The following SLC24A3 variants were observed in gnomAD, a reference collection of about 807,000 sequenced individuals.
The protein encoded by SLC24A3 is sodium/potassium/calcium exchanger 3.
A neutral mutation model predicts 75.8 loss-of-function variants in SLC24A3; 28 were observed. The ratio of observed to expected loss-of-function variants is 0.37; its 90% CI spans 0.27 to 0.51. The LOEUF is 0.51. Ranked by LOEUF, SLC24A3 falls within the 20% of genes least tolerant of loss-of-function variation. The pLI is 0.94. For missense variants in SLC24A3, 663 were observed against 847.8 expected (o/e 0.78, Z 2.71); for synonymous variants, 372 against 334.1 (o/e 1.11, Z -1.24).
At chr20:19,649,718 C>T (rs1308315650) in intron 6 of SLC24A3, among the ~76,000 whole-genome samples, 3 of 152,082 alleles carry the variant, frequency 2.0e-5, no homozygotes, top group African/African-American at 2.4e-5. Context: ...GGGAGGCAGT[C>T]GCAAGTGGGT....
chr20:19,346,284 A>G (rs188385510), intron 2 of SLC24A3, among the ~76,000 whole-genome samples: 4 of 113,248 alleles, frequency 3.5e-5, no homozygotes, highest in African/African-American at 1.2e-4. Flanking sequence ...GTATATATAT[A>G]TGGTATATAT....
At chr20:19,540,276 T>A (rs368495395) in intron 3 of SLC24A3, among the ~76,000 whole-genome samples, 24 of 152,254 alleles carry the variant, frequency 1.6e-4, no homozygotes, top group African/African-American at 5.8e-4. Flanking sequence ...CAGCATCTCC[T>A]TGACTCCAGA....
intron 2 of SLC24A3, among the ~76,000 whole-genome samples, chr20:19,349,555 A>T (rs982231987): frequency 1.3e-5 from 2 of 152,150 alleles, no homozygotes; most frequent in East Asian, 1.9e-4. Flanking sequence ...AAAGTCCTTG[A>T]CCAAGAACTG....
chr20:19,213,054 C>T (rs1241830131), intron 1 of SLC24A3, 70 bp downstream of exon 1: 8 of 1,145,000 alleles, frequency 7.0e-6, no homozygotes, highest in Non-Finnish European at 8.6e-6. Flanking sequence ...GGGCTGGGCG[C>T]GGGGCTCCTT....
chr20:19,264,188 T>A (rs1282015028), intron 1 of SLC24A3: 4 of 151,590 alleles, frequency 2.6e-5, no homozygotes, highest in African/African-American at 9.7e-5. Context: ...TATCCACTTC[T>A]ATGGCTCTGG....
At chr20:19,574,715 TG>T (rs780610193) in intron 3 of SLC24A3, among the ~76,000 whole-genome samples, 1 of 152,338 alleles carries the variant, frequency 6.6e-6, no homozygotes. Flanking sequence ...CTTTGCTCAT[TG>T]CTTTTCATTT....
At chr20:19,429,548 G>A (rs1432809851) in intron 2 of SLC24A3, among the ~76,000 whole-genome samples, 1 of 152,100 alleles carries the variant, frequency 6.6e-6, no homozygotes, top group African/African-American at 2.4e-5. Context: ...AGCTTAGCCC[G>A]GGAAGGACAC....
intron 1 of SLC24A3, among the ~76,000 whole-genome samples, chr20:19,236,928 A>C (rs933720574): frequency 4.6e-5 from 7 of 151,884 alleles, no homozygotes; most frequent in Non-Finnish European, 7.4e-5. Flanking sequence ...ACCTCACTCT[A>C]TTTTTCGGTA....
intron 2 of SLC24A3, among the ~76,000 whole-genome samples, chr20:19,473,107 G>A (rs1987902474): frequency 6.6e-6 from 1 of 152,150 alleles, no homozygotes; most frequent in South Asian, 2.1e-4. Flanking sequence ...CCTCCTTCCT[G>A]AACCCCCAGA....
At chr20:19,606,083 C>A (rs151115945) in intron 6 of SLC24A3, among the ~76,000 whole-genome samples, 1,538 of 152,338 alleles carry the variant, frequency 0.01, 13 homozygotes, top group Middle Eastern at 0.037. Flanking sequence ...GGCCAAACTG[C>A]CAGTTTCCCA....
At chr20:19,628,167 G>T (rs1201669942) in intron 6 of SLC24A3, among the ~76,000 whole-genome samples, 2 of 131,594 alleles carry the variant, frequency 1.5e-5, no homozygotes, top group African/African-American at 5.9e-5. Context: ...TTGCGCCACT[G>T]CACTCCAGCC....
chr20:19,513,112 A>T (rs780336917), intron 2 of SLC24A3, among the ~76,000 whole-genome samples: 1 of 147,008 alleles, frequency 6.8e-6, no homozygotes, highest in Non-Finnish European at 1.5e-5. Flanking sequence ...AAATGCAAAG[A>T]AAAAAAAAAG....
intron 2 of SLC24A3, among the ~76,000 whole-genome samples, chr20:19,485,774 G>C (rs546279000): frequency 6.6e-6 from 1 of 152,078 alleles, no homozygotes; most frequent in Non-Finnish European, 1.5e-5. Flanking sequence ...AAACACACCT[G>C]CTCCAAGGAT....
chr20:19,453,601 C>T (rs1379125956), intron 2 of SLC24A3, among the ~76,000 whole-genome samples: 3 of 152,140 alleles, frequency 2.0e-5, no homozygotes, highest in East Asian at 1.9e-4. Flanking sequence ...CGGGAGTGGC[C>T]GATGGAGCCT....
intron 2 of SLC24A3, among the ~76,000 whole-genome samples, chr20:19,452,286 G>A (rs915347818): frequency 5.3e-5 from 8 of 152,048 alleles, no homozygotes; most frequent in South Asian, 4.1e-4. Flanking sequence ...GTCAGGCTCC[G>A]AGCAGTATTT....
At chr20:19,345,209 C>T (rs539043024) in intron 2 of SLC24A3, among the ~76,000 whole-genome samples, 1 of 151,980 alleles carries the variant, frequency 6.6e-6, no homozygotes. Flanking sequence ...ATAATTCTAA[C>T]AAAATATATA....
intron 1 of SLC24A3, among the ~76,000 whole-genome samples, chr20:19,218,056 C>A (rs1334347490): frequency 6.6e-6 from 1 of 152,198 alleles, no homozygotes; most frequent in Admixed American, 6.5e-5. Context: ...ACCCCAGTCA[C>A]TGGCCCCATA....
At chr20:19,590,352 T>G (rs2031358002) in intron 6 of SLC24A3, among the ~76,000 whole-genome samples, 1 of 151,902 alleles carries the variant, frequency 6.6e-6, no homozygotes. Context: ...TTGATTTCTA[T>G]CTTATTGTTC....
intron 3 of SLC24A3, among the ~76,000 whole-genome samples, chr20:19,559,866 G>C (rs1351851289): frequency 6.6e-6 from 1 of 151,992 alleles, no homozygotes; most frequent in Non-Finnish European, 1.5e-5. Flanking sequence ...TGAGGACTTG[G>C]GTGAAGACAA....
Sources: allele counts gnomAD v4.1 joint callset (sites outside exome capture counted in the v4.1 genomes callset), GRCh38; gene constraint gnomAD v4.1.1; transcripts MANE v1.5; gene names NCBI Gene and HGNC (gene_info 2026-07-23, HGNC 2026-07-21).